SAFB2: variants seen among roughly 807,000 people sequenced by gnomAD.
SAFB2 encodes the protein scaffold attachment factor B2.
Under a neutral mutation model 100.6 loss-of-function variants are expected in SAFB2, and 32 were observed. The observed-to-expected ratio is 0.32, with a 90% CI of 0.24 to 0.43. The LOEUF is 0.43. Among genes scored for constraint, SAFB2 ranks in the 20% least tolerant of loss-of-function variants. The pLI is 1.00. For missense variants in SAFB2, 1,185 were observed against 1,163.4 expected, an observed-to-expected ratio of 1.02 and a Z score of -0.27; for synonymous variants, 500 against 439.4, an observed-to-expected ratio of 1.14 and a Z score of -1.72.
chr19:5,587,428 C>T lies in SAFB2; in HGVS notation c.2706-29G>A, dbSNP rs1197939862. ...GGAACAAAGTCAGACAATTTTTTTC[C>T]CCTTGAAGTGCTCAGCGTTTTCATC... On this transcript the variant is annotated intron_variant, in intron 20 of 20. Transcript: ENST00000252542. This position sits in a 1 kb window ranked among gnomAD's most constrained non-coding sequence, Gnocchi z 4.9. The T allele has an allele frequency of 1.3e-6, 2 of 1,587,212 alleles. No homozygotes were observed. Among genetic ancestry groups the T allele is most frequent in the Non-Finnish European group, 1.7e-6 (2 of 1,165,386 alleles).
chr19:5,588,069 T>C (rs1208678724), intron 18 of SAFB2, 89 bp from the exon 19 acceptor site: 1 of 1,135,028 alleles, frequency 8.8e-7, no homozygotes, highest in African/African-American at 1.6e-5. Flanking sequence ...CTCAGCTGCA[T>C]GGTGGGTCAT....
chr19:5,598,750 C>T (rs373676835), intron 13 of SAFB2, 43 bp downstream of exon 13: 96 of 1,561,800 alleles, frequency 6.1e-5, no homozygotes, highest in South Asian at 4.4e-4. Flanking sequence ...GTGGAGCCAT[C>T]GTGAGAAACA....
chr19:5,610,887 A>C, intron 7 of SAFB2, 199 bp from the exon 8 acceptor site: 1 of 779,682 alleles, frequency 1.3e-6, no homozygotes, highest in South Asian at 2.0e-5. Flanking sequence ...AATTCGATTT[A>C]GCTGAAGATA....
Position 5,587,190 on chromosome 19 carries a change from C to T in SAFB2, c.*53G>A, listed in dbSNP as rs1295081052. The T allele has an allele frequency of 1.9e-6, 3 of 1,588,726 alleles. No individual in the cohort carries two copies. Among genetic ancestry groups the T allele is most frequent in the African/African-American group, 2.7e-5 (2 of 74,592 alleles). On this transcript the variant is annotated 3_prime_UTR_variant, in exon 21 of 21. Coordinates refer to ENST00000252542, the MANE Select transcript of SAFB2 (RefSeq NM_014649.3). This position sits in a 1 kb window ranked among gnomAD's most constrained non-coding sequence, Gnocchi z 4.9. ...TCCCCCAAGTTCGAGGGAACCCTGG[C>T]TACCAGATTCAACAGTGCGTCTGCC... is the stretch of plus-strand genomic sequence containing the variant.
intron 8 of SAFB2, 103 bp downstream of exon 8, chr19:5,610,535 TA>T: frequency 1.2e-6 from 1 of 864,874 alleles, no homozygotes; most frequent in South Asian, 1.6e-5. Flanking sequence ...CGGTAACCCA[TA>T]ACAAAACAAA....
At chr19:5,620,224 T>C (rs1220628715) in intron 2 of SAFB2, among the ~76,000 whole-genome samples, 1 of 152,186 alleles carries the variant, frequency 6.6e-6, no homozygotes, top group African/African-American at 2.4e-5. Flanking sequence ...CATGCACATG[T>C]TTTAAACAGT....
chr19:5,595,842 C>T (rs762586238), intron 13 of SAFB2, among the ~76,000 whole-genome samples: 12 of 152,238 alleles, frequency 7.9e-5, no homozygotes, highest in African/African-American at 1.2e-4. Context: ...CGGGCACATC[C>T]GCACAGGGCC....
rs1415795429 is a variant in SAFB2 at position 5,594,174 on chromosome 19, G to A, written c.1924C>T (p.Arg642Cys). Residue 642 changes from arginine to cysteine, a missense_variant, in exon 15 of 21, where the codon CGC becomes TGC. Arg to Cys is a radical substitution (Grantham distance 180). Transcript: ENST00000252542. Reference protein sequence around the residue: ...EIRETERRREREQREREQRLE... With the variant: ...EIRETERRRECEQREREQRLE... Reference sequence around the variant, plus strand: ...CGTTGCTCCCGCTCCCGCTGCTCGCGCTCCCTGCGGGGACAGGTGAGGCTG... The same window carrying A: ...CGTTGCTCCCGCTCCCGCTGCTCGCACTCCCTGCGGGGACAGGTGAGGCTG... The A allele has an allele frequency of 1.9e-6, 3 of 1,591,560 alleles. No homozygotes were observed. The highest frequency in any genetic ancestry group is 2.6e-6 in the Non-Finnish European group (3 of 1,175,266).
intron 2 of SAFB2, 146 bp downstream of exon 2, chr19:5,621,163 G>A (rs2053132677): frequency 3.0e-6 from 2 of 664,948 alleles, no homozygotes; most frequent in Non-Finnish European, 5.5e-6. Context: ...CTACCTGTTA[G>A]GTGGTGACGA....
In SAFB2 at chr19:5,600,150, C is replaced by T. The variant is rs375560006; in HGVS notation, c.1670G>A (p.Arg557Gln). Reference protein sequence around the residue: ...QDELKPGPTNRSRVTKSGSRG... With the variant: ...QDELKPGPTNQSRVTKSGSRG... Reference sequence around the variant, plus strand: ...CTCACCTGATTTGGTGACTCTAGACCGATTTGTAGGTCCGGGTTTCAGCTC... The same window carrying T: ...CTCACCTGATTTGGTGACTCTAGACTGATTTGTAGGTCCGGGTTTCAGCTC... Residue 557 changes from arginine to glutamine, a missense_variant, in exon 12 of 21, where the codon CGG becomes CAG. Coordinates refer to ENST00000252542, the MANE Select transcript of SAFB2 (RefSeq NM_014649.3). 8 of 1,613,868 alleles carry T rather than the reference C, an allele frequency of 5.0e-6. No individual in the cohort carries two copies. The highest frequency in any genetic ancestry group is 2.2e-5 in the East Asian group (1 of 44,890).
At chr19:5,604,505 G>A (rs560737915) in intron 11 of SAFB2, 78 bp downstream of exon 11, 147 of 1,018,052 alleles carry the variant, frequency 1.4e-4, no homozygotes, top group Middle Eastern at 2.2e-4. Flanking sequence ...GGACAGATGC[G>A]TGTTTTTCAA....
rs1207251559 is a variant in SAFB2, at chr19:5,600,160, G to T, written c.1660C>A (p.Pro554Thr). The part of the protein sequence containing the change: ...EKDQDELKPG[P>T]TNRSRVTKSG... The stretch of plus-strand genomic sequence containing the variant: ...TTGGTGACTCTAGACCGATTTGTAG[G>T]TCCGGGTTTCAGCTCATCCTGGTCT... The change falls in exon 12 of 21, where the codon CCT becomes ACT. Residue 554 changes from proline to threonine, a missense_variant. Physicochemically the swap from Pro to Thr is conservative, Grantham distance 38. Around this residue, in one of 3 missense-constraint regions of SAFB2, gnomAD observed 740 missense variants for 687.1 expected, o/e 1.08. Transcript: ENST00000252542. 8.1e-6 allele frequency: 13 copies of T among 1,613,948 alleles called. No individual in the cohort carries two copies. The highest frequency in any genetic ancestry group is 1.3e-5 in the African/African-American group (1 of 74,872).
chr19:5,609,461 G>A (rs1051842956), intron 9 of SAFB2, among the ~76,000 whole-genome samples: 20 of 151,994 alleles, frequency 1.3e-4, no homozygotes, highest in African/African-American at 4.3e-4. Context: ...AGAACACCAC[G>A]GCTGGCTGAT....
At chr19:5,613,151 G>T (rs1388942629) in intron 5 of SAFB2, among the ~76,000 whole-genome samples, 4 of 152,036 alleles carry the variant, frequency 2.6e-5, no homozygotes, top group Non-Finnish European at 5.9e-5. Flanking sequence ...CAAACTTTCT[G>T]CTCCAAATTC....
At chr19:5,607,975 T>A (rs929030551) in intron 9 of SAFB2, among the ~76,000 whole-genome samples, 3 of 152,302 alleles carry the variant, frequency 2.0e-5, no homozygotes, top group Middle Eastern at 6.8e-3. Context: ...AAATTAATCA[T>A]CCTTACAAGT....
chr19:5,615,455 C>T (rs1568229718), intron 4 of SAFB2, among the ~76,000 whole-genome samples: 1 of 152,128 alleles, frequency 6.6e-6, no homozygotes, highest in Admixed American at 6.5e-5. Flanking sequence ...CACCTATAAT[C>T]CCAGCACTCT....
rs2053140368 is a variant in SAFB2 at position 5,621,379 on chromosome 19, C to T, written c.204G>A (p.Gly68=). 6 of 1,612,812 alleles carry T rather than the reference C, an allele frequency of 3.7e-6. No individual in the cohort carries two copies. Among genetic ancestry groups the T allele is most frequent in the African/African-American group, 2.7e-5 (2 of 74,904 alleles). Residue 68 remains glycine (G), a synonymous_variant, in exon 2 of 21, where the codon GGG becomes GGA. Transcript: ENST00000252542. ...CGATGCCAATTTCATCAGGATCTTG[C>T]CCCTCTTCTTTAACCGCCTATTAGG... ...ERLKKAVKEE[G]QDPDEIGIEL...
Position 5,612,585 on chromosome 19 carries a change from A to C in SAFB2, c.607-18T>G. On this transcript the variant is annotated intron_variant, in intron 5 of 20. Transcript: ENST00000252542. ...TCAATGTCCTATTTAAAAAAGAAAAAGCAAATCCACAAGTCACTTTAAACA... is the reference window on the plus strand; with the variant it reads ...TCAATGTCCTATTTAAAAAAGAAAACGCAAATCCACAAGTCACTTTAAACA... The C allele has an allele frequency of 6.2e-7, 1 of 1,610,322 alleles. No homozygotes were observed. Among genetic ancestry groups the C allele is most frequent in the Non-Finnish European group, 8.5e-7 (1 of 1,177,404 alleles).
rs1257341227 is a variant in SAFB2, at chr19:5,592,718, T to C, written c.2348+29A>G. 3 of 1,612,190 alleles carry C rather than the reference T, an allele frequency of 1.9e-6. No homozygotes were observed. The African/African-American group carries it at 4.0e-5, about 22-fold the overall frequency. On this transcript the variant is annotated intron_variant, in intron 16 of 20. Transcript: ENST00000252542. Reference sequence around the variant, plus strand: ...GATGCCCCGGTGCCCACAATGACTGTAGCTAAAGGAGGGGACAAGACCACT... The same window carrying C: ...GATGCCCCGGTGCCCACAATGACTGCAGCTAAAGGAGGGGACAAGACCACT...
Sources: gnomAD v4.1 joint callset for allele counts (sites outside exome capture counted in the v4.1 genomes callset) on GRCh38, gnomAD v4.1.1 for gene constraint, gnomAD v4.1.1 regional missense constraint, Gnocchi (gnomAD v3.1) non-coding constraint, MANE v1.5 for transcripts, NCBI Gene and HGNC (gene_info 2026-07-23, HGNC 2026-07-21) for gene names.